MAPK10: variants seen among roughly 807,000 people sequenced by gnomAD.
MAPK10 encodes the protein JNK3 alpha protein kinase.
In MAPK10, 25 loss-of-function variants were observed where a neutral mutation model predicts 59.3. The observed-to-expected ratio is 0.42, with a 90% CI of 0.31 to 0.59. The LOEUF (loss-of-function observed/expected upper bound fraction) is 0.59. MAPK10 is among the 20% of genes least tolerant of loss of function. The probability of loss-of-function intolerance (pLI) is 0.15; values close to 1 mark genes in which losing one functional copy is unlikely to be tolerated. For missense variants in MAPK10, 351 were observed against 568.9 expected (o/e 0.62, Z 3.90); for synonymous variants, 190 against 200.5 (o/e 0.95, Z 0.44).
chr4:86,172,279 G>A (rs1055308198), intron 3 of MAPK10, among the ~76,000 whole-genome samples: 1 of 144,228 alleles, frequency 6.9e-6, no homozygotes, highest in African/African-American at 2.9e-5. Flanking sequence ...GCACACGTAT[G>A]TTTATTGCGG....
intron 1 of MAPK10, among the ~76,000 whole-genome samples, chr4:86,440,180 C>A (rs1262569236): frequency 6.6e-6 from 1 of 152,014 alleles, no homozygotes; most frequent in Admixed American, 6.6e-5. Context: ...CCCTGGCTGA[C>A]AAAACATATC....
At chr4:86,301,605 A>G (rs1310981630) in intron 2 of MAPK10, among the ~76,000 whole-genome samples, 3 of 152,182 alleles carry the variant, frequency 2.0e-5, no homozygotes, top group African/African-American at 4.8e-5. Flanking sequence ...CTTAAATACC[A>G]GAAACTCCTT....
At chr4:86,376,525 T>C (rs1374202482) in intron 1 of MAPK10, among the ~76,000 whole-genome samples, 3 of 152,228 alleles carry the variant, frequency 2.0e-5, no homozygotes, top group Non-Finnish European at 4.4e-5. Flanking sequence ...AGTTGGTTGT[T>C]GAATAAAGGT....
intron 1 of MAPK10, among the ~76,000 whole-genome samples, chr4:86,412,922 C>T (rs1431334537): frequency 6.6e-6 from 1 of 152,184 alleles, no homozygotes; most frequent in Non-Finnish European, 1.5e-5. Context: ...CAAAGTTATT[C>T]TCCGTCAAGT....
At chr4:86,484,847 C>A (rs1460126497) in intron 1 of MAPK10, among the ~76,000 whole-genome samples, 3 of 152,122 alleles carry the variant, frequency 2.0e-5, no homozygotes, top group African/African-American at 7.2e-5. Context: ...TTTCTTATAA[C>A]ACAGAATATA....
chr4:86,277,448 G>C (rs2094619393), intron 2 of MAPK10, among the ~76,000 whole-genome samples: 1 of 151,826 alleles, frequency 6.6e-6, no homozygotes, highest in African/African-American at 2.4e-5. Flanking sequence ...AAAATCCAGG[G>C]CTCCAGTGTT....
At chr4:86,324,347 G>C (rs1303760094) in intron 2 of MAPK10, among the ~76,000 whole-genome samples, 1 of 151,938 alleles carries the variant, frequency 6.6e-6, no homozygotes, top group East Asian at 1.9e-4. Context: ...GGAGGCAGAG[G>C]TTGCTGTAAG....
chr4:86,202,522 C>T (rs886882445), intron 2 of MAPK10, among the ~76,000 whole-genome samples: 3 of 151,846 alleles, frequency 2.0e-5, no homozygotes, highest in Non-Finnish European at 4.4e-5. Flanking sequence ...TTTAAAAGTA[C>T]AAATCTACAT....
At chr4:86,041,029 G>A (rs2041414427) in intron 11 of MAPK10, 1 of 152,122 alleles carries the variant, frequency 6.6e-6, no homozygotes, top group South Asian at 2.1e-4. Context: ...ACATGTGAAA[G>A]TGTAAAACTC....
intron 2 of MAPK10, among the ~76,000 whole-genome samples, chr4:86,217,389 T>C (rs2088007757): frequency 6.6e-6 from 1 of 152,216 alleles, no homozygotes; most frequent in Non-Finnish European, 1.5e-5. Flanking sequence ...CAACAGATAC[T>C]ACCAATTCAG....
chr4:86,494,794 G>C (rs1047258313), intron 1 of MAPK10, among the ~76,000 whole-genome samples: 10 of 121,310 alleles, frequency 8.2e-5, no homozygotes, highest in African/African-American at 3.1e-4. Context: ...AGTGAGCTGA[G>C]ATCGTGCCAC....
At chr4:86,107,436 G>A in intron 4 of MAPK10, 84 bp from the exon 5 acceptor site, 3 of 1,517,524 alleles carry the variant, frequency 2.0e-6, no homozygotes, top group Non-Finnish European at 2.6e-6. Flanking sequence ...TACTGGTAAA[G>A]AAAATGCTAT....
intron 9 of MAPK10, among the ~76,000 whole-genome samples, chr4:86,097,393 T>C (rs2054446486): frequency 6.6e-6 from 1 of 152,000 alleles, no homozygotes; most frequent in African/African-American, 2.4e-5. Flanking sequence ...TCAGGTTTTT[T>C]TGTTTTTGTT....
intron 1 of MAPK10, among the ~76,000 whole-genome samples, chr4:86,507,031 C>T (rs1755792502): frequency 6.6e-6 from 1 of 151,990 alleles, no homozygotes; most frequent in Admixed American, 6.6e-5. Flanking sequence ...AAAAATAAAA[C>T]ATATATGATA....
At chr4:86,096,096 C>T (rs1185184937) in intron 9 of MAPK10, among the ~76,000 whole-genome samples, 2 of 151,412 alleles carry the variant, frequency 1.3e-5, no homozygotes, top group African/African-American at 4.8e-5. Flanking sequence ...ATGTAATCAT[C>T]ACTTGAGATA....
intron 2 of MAPK10, among the ~76,000 whole-genome samples, chr4:86,286,300 C>T (rs558698909): frequency 1.4e-4 from 21 of 152,288 alleles, no homozygotes; most frequent in African/African-American, 4.8e-4. Flanking sequence ...AGAGCAGTGT[C>T]CCTGAACAAA....
At chr4:86,405,237 G>C (rs1237867172) in intron 1 of MAPK10, among the ~76,000 whole-genome samples, 1 of 152,080 alleles carries the variant, frequency 6.6e-6, no homozygotes. Flanking sequence ...ATCATGATAG[G>C]TAAGATGATC....
chr4:86,293,147 A>G (rs902316213), intron 2 of MAPK10, among the ~76,000 whole-genome samples: 8 of 152,198 alleles, frequency 5.3e-5, no homozygotes, highest in African/African-American at 1.7e-4. Flanking sequence ...AGAAGGCAAT[A>G]AAAGTGTGGA....
intron 4 of MAPK10, among the ~76,000 whole-genome samples, chr4:86,120,756 G>A (rs768808245): frequency 6.6e-6 from 1 of 152,080 alleles, no homozygotes; most frequent in Non-Finnish European, 1.5e-5. Context: ...TCACAAAGCT[G>A]CCAGGCTGCC....
Sources: gnomAD v4.1 joint callset for allele counts (sites outside exome capture counted in the v4.1 genomes callset) on GRCh38, gnomAD v4.1.1 for gene constraint, MANE v1.5 for transcripts, NCBI Gene and HGNC (gene_info 2026-07-23, HGNC 2026-07-21) for gene names.